GPC5: variants seen among roughly 807,000 people sequenced by gnomAD.
The protein encoded by GPC5 is glypican 5, also known as glypican-5.
GPC5 carries 47 observed loss-of-function variants against 53.9 expected under a neutral mutation model. That is an observed-to-expected ratio of 0.87 (90% CI 0.69 to 1.11). GPC5 has a LOEUF of 1.11. GPC5 is among the 50% of genes most tolerant of loss of function. The pLI, the probability that GPC5 is intolerant of heterozygous loss-of-function variation, is 0.00. For synonymous variants in GPC5, 286 were observed against 263.3 expected (o/e 1.09, Z -0.84); for missense variants, 748 against 713.1 (o/e 1.05, Z -0.56).
chr13:92,043,116 A>AAGACGTGTGACAG (rs1203713745), intron 6 of GPC5, among the ~76,000 whole-genome samples: 29 of 152,216 alleles, frequency 1.9e-4, no homozygotes, highest in African/African-American at 6.8e-4. Context: ...CAGAATATCG[A>AAGACGTGTGACAG]AGACGTGTGA....
At chr13:92,862,550 T>C (rs117875982) in intron 7 of GPC5, among the ~76,000 whole-genome samples, 3 of 151,944 alleles carry the variant, frequency 2.0e-5, no homozygotes, top group Non-Finnish European at 4.4e-5. Flanking sequence ...TAGATAGATA[T>C]ATAGATATAT....
intron 7 of GPC5, among the ~76,000 whole-genome samples, chr13:92,196,461 G>A (rs1453804670): frequency 1.3e-5 from 2 of 152,030 alleles, no homozygotes; most frequent in African/African-American, 4.8e-5. Flanking sequence ...GGTTTCATTA[G>A]CTTTTTATTG....
At chr13:91,633,235 G>C (rs1431228786) in intron 2 of GPC5, among the ~76,000 whole-genome samples, 2 of 152,114 alleles carry the variant, frequency 1.3e-5, no homozygotes, top group Non-Finnish European at 2.9e-5. Flanking sequence ...GTGCAAAATT[G>C]CTCTTGATTT....
intron 7 of GPC5, among the ~76,000 whole-genome samples, chr13:92,676,781 TTTAA>T: frequency 1.3e-5 from 2 of 152,306 alleles, no homozygotes; most frequent in African/African-American, 4.8e-5. Context: ...AATTATATCT[TTTAA>T]TTAAGAGTAC....
intron 1 of GPC5, among the ~76,000 whole-genome samples, chr13:91,446,296 C>T (rs1880798421): frequency 6.6e-6 from 1 of 152,098 alleles, no homozygotes; most frequent in Non-Finnish European, 1.5e-5. Context: ...ACGTATTAAC[C>T]ACTACTGCTG....
intron 7 of GPC5, among the ~76,000 whole-genome samples, chr13:92,784,950 A>G (rs989925400): frequency 6.6e-6 from 1 of 151,992 alleles, no homozygotes; most frequent in African/African-American, 2.4e-5. Flanking sequence ...CTCTCCCCCA[A>G]CCTAAAAATA....
At chr13:91,452,627 A>G (rs1456698941) in intron 2 of GPC5, among the ~76,000 whole-genome samples, 1 of 152,138 alleles carries the variant, frequency 6.6e-6, no homozygotes. Flanking sequence ...GTTTCTTTAT[A>G]CATGACAGTA....
chr13:91,654,660 G>T (rs1176564291), intron 2 of GPC5, among the ~76,000 whole-genome samples: 1 of 151,998 alleles, frequency 6.6e-6, no homozygotes, highest in South Asian at 2.1e-4. Flanking sequence ...ATGTTTCTAC[G>T]GTAACAATGT....
rs540784052 is a variant in GPC5 at position 91,886,013 on chromosome 13, A to AGT, written c.1281-21922_1281-21921dup. ...TCCCCATTCTGTTTACCTAGAAGGTAGTGATATTTACCCCAAACCAGGGTT... is the reference window on the plus strand; with the variant it reads ...TCCCCATTCTGTTTACCTAGAAGGTAGTGTGATATTTACCCCAAACCAGGGTT... On this transcript the variant is annotated intron_variant, in intron 5 of 7. Transcript: ENST00000377067. Among the ~76,000 whole-genome samples the AGT allele has an allele frequency of 2.7e-3, 417 of 152,134 alleles. 1 individual carries two copies. Among genetic ancestry groups the AGT allele is most frequent in the Non-Finnish European group, 4.1e-3 (277 of 67,998 alleles).
At chr13:92,559,002 G>C (rs1356062142) in intron 7 of GPC5, among the ~76,000 whole-genome samples, 1 of 151,920 alleles carries the variant, frequency 6.6e-6, no homozygotes, top group African/African-American at 2.4e-5. Context: ...TGTAGTAACA[G>C]TATTCCGGTC....
intron 3 of GPC5, among the ~76,000 whole-genome samples, chr13:91,715,448 G>A (rs79592745): frequency 0.025 from 3,746 of 152,204 alleles, 141 homozygotes; most frequent in African/African-American, 0.084. Flanking sequence ...AAAATCTGTC[G>A]TGGAGAAGTA....
In GPC5 at chr13:92,435,104, G is replaced by A. The variant is rs570015360; in HGVS notation, c.1561+290115G>A. ...TAATTTTTGTATTTTTAGTAGAGACGGGGTTTCACCATGTTGACCAAGTTG... is the reference window on the plus strand; with the variant it reads ...TAATTTTTGTATTTTTAGTAGAGACAGGGTTTCACCATGTTGACCAAGTTG... On this transcript the variant is annotated intron_variant, in intron 7 of 7. Coordinates refer to ENST00000377067, the MANE Select transcript of GPC5 (RefSeq NM_004466.6). Among the ~76,000 whole-genome samples the A allele has an allele frequency of 2.0e-3, 308 of 152,122 alleles. 1 individual carries two copies. The highest frequency in any genetic ancestry group is 6.6e-3 in the African/African-American group (276 of 41,522).
rs112812320 is a variant in GPC5, at chr13:91,478,805, A to G, written c.325+29883A>G. Among the ~76,000 whole-genome samples, 944 of 97,038 alleles carry G rather than the reference A, an allele frequency of 9.7e-3. 56 individuals carry two copies. The highest frequency in any genetic ancestry group is 0.025 in the East Asian group (81 of 3,244). The allele number at this position is 97,038 out of a possible 152,430, so 63.7% of individuals were successfully genotyped here. ...ATCCTCCATTTGAGTTTATATATAT[A>G]TATATATATATATATATACACACAC... On this transcript the variant is annotated intron_variant, in intron 2 of 7. Coordinates refer to ENST00000377067, the MANE Select transcript of GPC5 (RefSeq NM_004466.6).
rs371624797 is a variant in GPC5, at chr13:91,424,223, G to A, written c.164-24538G>A. 1.2e-4 allele frequency among the ~76,000 whole-genome samples: 19 copies of A among 152,108 alleles called. No homozygotes were observed. In the East Asian group the frequency reaches 2.1e-3, roughly 17 times the overall value. The stretch of plus-strand genomic sequence containing the variant: ...CCAGAGCAGGTTTCTGAGGATTTAC[G>A]GGATCCTGGGGACACATGGTGGCAA... On this transcript the variant is annotated intron_variant, in intron 1 of 7. Coordinates refer to ENST00000377067, the MANE Select transcript of GPC5 (RefSeq NM_004466.6).
At chr13:91,474,761 A>T (rs1332553219) in intron 2 of GPC5, among the ~76,000 whole-genome samples, 1 of 152,146 alleles carries the variant, frequency 6.6e-6, no homozygotes, top group Non-Finnish European at 1.5e-5. Context: ...TTGATGAAAA[A>T]CATTTTTATT....
At chr13:92,109,781 A>G (rs1376391820) in intron 6 of GPC5, among the ~76,000 whole-genome samples, 1 of 152,154 alleles carries the variant, frequency 6.6e-6, no homozygotes, top group Non-Finnish European at 1.5e-5. Context: ...AATCAATAAA[A>G]ATAATATTTG....
intron 7 of GPC5, among the ~76,000 whole-genome samples, chr13:92,577,533 C>A (rs1253887137): frequency 5.3e-5 from 8 of 151,396 alleles, no homozygotes; most frequent in Admixed American, 3.9e-4. Context: ...ACTAACTAAA[C>A]CAAGATTCAA....
intron 7 of GPC5, among the ~76,000 whole-genome samples, chr13:92,357,533 G>A (rs1052368699): frequency 6.6e-6 from 1 of 151,634 alleles, no homozygotes; most frequent in Non-Finnish European, 1.5e-5. Context: ...GTGTGTTCAT[G>A]TCCTTTGCAC....
intron 7 of GPC5, among the ~76,000 whole-genome samples, chr13:92,335,553 TC>T (rs2043316433): frequency 2.0e-5 from 3 of 152,210 alleles, no homozygotes; most frequent in Admixed American, 2.0e-4. Context: ...CTTGAATTTC[TC>T]CCCAGAAAAT....
Sources: gnomAD v4.1 joint callset for allele counts (sites outside exome capture counted in the v4.1 genomes callset) on GRCh38, gnomAD v4.1.1 for gene constraint, MANE v1.5 for transcripts, NCBI Gene and HGNC (gene_info 2026-07-23, HGNC 2026-07-21) for gene names.